LAMA2: variants seen among roughly 807,000 people sequenced by gnomAD.
LAMA2 encodes laminin subunit alpha-2.
A neutral mutation model predicts 364.8 loss-of-function variants in LAMA2; 269 were observed. That is an observed-to-expected ratio of 0.74 (90% CI 0.67 to 0.82). The LOEUF (loss-of-function observed/expected upper bound fraction) is 0.82, where lower values mean the gene tolerates loss of function less well. Ranked by LOEUF, LAMA2 falls within the 40% of genes least tolerant of loss-of-function variation. LAMA2 has a pLI of 0.00. For synonymous variants in LAMA2, 1,379 were observed against 1,370.6 expected, an observed-to-expected ratio of 1.01 and a Z score of -0.14; for missense variants, 3,807 against 3,873.2, an observed-to-expected ratio of 0.98 and a Z score of 0.45.
At chr6:129,229,132 A>T (rs997755781) in intron 12 of LAMA2, among the ~76,000 whole-genome samples, 1 of 152,218 alleles carries the variant, frequency 6.6e-6, no homozygotes, top group African/African-American at 2.4e-5. Flanking sequence ...TGAAGCTTAC[A>T]TTCTAGTTAG....
chr6:129,034,575 A>C (rs1449494917), intron 1 of LAMA2, among the ~76,000 whole-genome samples: 1 of 152,070 alleles, frequency 6.6e-6, no homozygotes, highest in Non-Finnish European at 1.5e-5. Context: ...CCATCACCCA[A>C]ATGGTGAACA....
chr6:129,072,283 T>C (rs1256598615), intron 3 of LAMA2, among the ~76,000 whole-genome samples: 2 of 152,204 alleles, frequency 1.3e-5, no homozygotes, highest in Non-Finnish European at 2.9e-5. Flanking sequence ...TTATTAAATT[T>C]AATAATTTAA....
At chr6:129,215,727 A>G (rs1458222699) in intron 12 of LAMA2, among the ~76,000 whole-genome samples, 5 of 152,144 alleles carry the variant, frequency 3.3e-5, no homozygotes. Flanking sequence ...GAGTGTAAAT[A>G]CTACTTCTTA....
chr6:129,240,868 T>C (rs1222661170), intron 12 of LAMA2, among the ~76,000 whole-genome samples: 1 of 152,236 alleles, frequency 6.6e-6, no homozygotes, highest in Non-Finnish European at 1.5e-5. Flanking sequence ...TTTATGTGTG[T>C]AAATGTCTAA....
intron 40 of LAMA2, among the ~76,000 whole-genome samples, chr6:129,426,583 G>A (rs1237147395): frequency 6.6e-6 from 1 of 151,994 alleles, no homozygotes; most frequent in African/African-American, 2.4e-5. Context: ...CAGTTTTCTG[G>A]AGAATAATTT....
intron 21 of LAMA2, among the ~76,000 whole-genome samples, chr6:129,299,566 A>G (rs1420019623): frequency 6.6e-6 from 1 of 152,134 alleles, no homozygotes; most frequent in Non-Finnish European, 1.5e-5. Flanking sequence ...TTTGCAAGTA[A>G]TGATTTGCAC....
intron 1 of LAMA2, among the ~76,000 whole-genome samples, chr6:128,961,354 T>TATATATTATATATATATATATA (rs1781503830): frequency 3.9e-5 from 3 of 77,624 alleles, no homozygotes; most frequent in African/African-American, 1.4e-4. Flanking sequence ...TATATATATA[T>TATATATTATATATATATATATA]ATATATATAT....
chr6:129,475,460 CT>C, intron 53 of LAMA2, 59 bp downstream of exon 53: 4 of 1,338,136 alleles, frequency 3.0e-6, no homozygotes, highest in Non-Finnish European at 4.2e-6. Context: ...AATGTGGCTT[CT>C]TAGATAAAGC....
chr6:128,994,697 G>A (rs1279145312), intron 1 of LAMA2, among the ~76,000 whole-genome samples: 2 of 152,014 alleles, frequency 1.3e-5, no homozygotes, highest in Non-Finnish European at 2.9e-5. Flanking sequence ...TCCTGGATTT[G>A]GTTTTCTGGG....
intron 1 of LAMA2, among the ~76,000 whole-genome samples, chr6:128,963,219 C>A (rs1376531008): frequency 2.0e-5 from 3 of 152,026 alleles, no homozygotes; most frequent in African/African-American, 7.2e-5. Flanking sequence ...TACCTTTCTT[C>A]CCTTATTGAT....
intron 4 of LAMA2, among the ~76,000 whole-genome samples, chr6:129,110,925 C>T (rs1449722744): frequency 6.6e-6 from 1 of 150,524 alleles, no homozygotes; most frequent in Non-Finnish European, 1.5e-5. Flanking sequence ...TCAGTCTTAA[C>T]AGGAAAGATA....
At chr6:129,266,373 TA>T (rs747195220) in intron 15 of LAMA2, among the ~76,000 whole-genome samples, 22 of 152,272 alleles carry the variant, frequency 1.4e-4, no homozygotes, top group Non-Finnish European at 2.8e-4. Context: ...ATTCAGTTTT[TA>T]TATAATAAAG....
At chr6:129,140,824 T>C (rs1311067637) in intron 4 of LAMA2, among the ~76,000 whole-genome samples, 1 of 152,078 alleles carries the variant, frequency 6.6e-6, no homozygotes, top group Non-Finnish European at 1.5e-5. Flanking sequence ...CAGAAACAGC[T>C]TGGGACTAAC....
At chr6:129,211,599 C>T (rs987846015) in intron 12 of LAMA2, among the ~76,000 whole-genome samples, 2 of 152,210 alleles carry the variant, frequency 1.3e-5, no homozygotes, top group Non-Finnish European at 2.9e-5. Flanking sequence ...GTTCAATGCT[C>T]TCTCATGCTT....
chr6:129,393,992 T>A (rs1449489364), intron 37 of LAMA2, among the ~76,000 whole-genome samples: 1 of 152,242 alleles, frequency 6.6e-6, no homozygotes, highest in Non-Finnish European at 1.5e-5. Context: ...GCAGCCTCTA[T>A]CTTTTTAAGA....
At chr6:129,056,638 C>T (rs966404283) in intron 2 of LAMA2, among the ~76,000 whole-genome samples, 2 of 152,074 alleles carry the variant, frequency 1.3e-5, no homozygotes, top group African/African-American at 4.8e-5. Context: ...TTCATGTTTT[C>T]AGTAAATGTT....
intron 4 of LAMA2, among the ~76,000 whole-genome samples, chr6:129,137,884 C>A (rs1777896870): frequency 6.6e-6 from 1 of 151,620 alleles, no homozygotes; most frequent in African/African-American, 2.4e-5. Flanking sequence ...GTAGCAGACA[C>A]AAGCAAGTAA....
chr6:129,193,068 T>G (rs1222221007), intron 12 of LAMA2, among the ~76,000 whole-genome samples: 1 of 152,226 alleles, frequency 6.6e-6, no homozygotes, highest in Non-Finnish European at 1.5e-5. Context: ...GTATAGCTGA[T>G]GTTCTATGTA....
At chr6:129,248,959 A>G (rs1785970613) in intron 12 of LAMA2, among the ~76,000 whole-genome samples, 1 of 152,156 alleles carries the variant, frequency 6.6e-6, no homozygotes, top group African/African-American at 2.4e-5. Flanking sequence ...TCAGTGGATT[A>G]GGGGAATCAG....
Sources: allele counts gnomAD v4.1 joint callset (sites outside exome capture counted in the v4.1 genomes callset), GRCh38; gene constraint gnomAD v4.1.1; transcripts MANE v1.5; gene names NCBI Gene and HGNC (gene_info 2026-07-23, HGNC 2026-07-21).